The following FLRT2 variants were observed in gnomAD, a reference collection of about 807,000 sequenced individuals.
The protein encoded by FLRT2 is leucine-rich repeat transmembrane protein FLRT2.
In FLRT2, 15 loss-of-function variants were observed where a neutral mutation model predicts 40.0. The ratio of observed to expected loss-of-function variants is 0.38; its 90% CI spans 0.25 to 0.58. FLRT2 has a LOEUF of 0.58. Ranked by LOEUF, FLRT2 falls within the 20% of genes least tolerant of loss-of-function variation. The pLI, the probability that FLRT2 is intolerant of heterozygous loss-of-function variation, is 0.71. For synonymous variants in FLRT2, 380 were observed against 336.8 expected, an observed-to-expected ratio of 1.13 and a Z score of -1.41; for missense variants, 726 against 840.0, an observed-to-expected ratio of 0.86 and a Z score of 1.68.
chr14:85,535,919 TTTGTTGTTGTTG>T (rs1232664132), intron 1 of FLRT2, among the ~76,000 whole-genome samples: 10 of 81,648 alleles, frequency 1.2e-4, no homozygotes, highest in African/African-American at 4.8e-4. Context: ...TTTTTTTTTT[TTTGTTGTTGTTG>T]TTGTTGTTGT....
At chr14:85,595,809 A>G (rs1201605810) in intron 1 of FLRT2, among the ~76,000 whole-genome samples, 1 of 152,164 alleles carries the variant, frequency 6.6e-6, no homozygotes, top group Non-Finnish European at 1.5e-5. Context: ...CAAGTAACAG[A>G]CCCAGTGGGA....
chr14:85,583,123 A>T (rs945853148), intron 1 of FLRT2, among the ~76,000 whole-genome samples: 3 of 152,132 alleles, frequency 2.0e-5, no homozygotes, highest in Non-Finnish European at 2.9e-5. Flanking sequence ...AAAATCGTTG[A>T]AAGATAATCT....
rs527627161 is a variant in FLRT2, at chr14:85,629,539, A to G, written c.*6042A>G. 1.4e-4 allele frequency: 21 copies of G among 152,360 alleles called. No individual in the cohort carries two copies. Among genetic ancestry groups the G allele is most frequent in the African/African-American group, 5.0e-4 (21 of 41,594 alleles). The allele number at this position is 152,360 out of a possible 1,614,324, so 9.4% of individuals were successfully genotyped here. ...TATGTTTGCATTCTGTCTTTAAAAT[A>G]ACCCTGTAAGGTGCGTTATTTTAAT... On this transcript the variant is annotated 3_prime_UTR_variant, in exon 2 of 2. Transcript: ENST00000330753.
In FLRT2 at chr14:85,589,300, G is replaced by T. The variant is rs867851560; in HGVS notation, c.-376-31839G>T. Among the ~76,000 whole-genome samples, 22 of 152,126 alleles carry T rather than the reference G, an allele frequency of 1.4e-4. 1 individual carries two copies. In the South Asian group the frequency reaches 2.3e-3, roughly 16 times the overall value. ...TTATTGCCTCTCTTCTGCATATAAG[G>T]TATTTTTACTGGGGTGTGATGATAT... is the stretch of plus-strand genomic sequence containing the variant. On this transcript the variant is annotated intron_variant, in intron 1 of 1. Transcript: ENST00000330753.
chr14:85,622,716 C>T lies in FLRT2; in HGVS notation c.1202C>T (p.Thr401Ile), dbSNP rs769244407. ...PSRSYTPPTP[T>I]TSKLPTIPDW... ...AGAAGCTACACGCCTCCAACTCCTA[C>T]CACATCGAAACTTCCCACGATTCCT... Residue 401 changes from threonine (T) to isoleucine (I), a missense_variant, in exon 2 of 2, where the codon ACC (threonine) becomes ATC (isoleucine). By Grantham distance (89) the Thr-to-Ile change is moderately conservative (BLOSUM62 -1). Around this residue, in one of 3 missense-constraint regions of FLRT2, gnomAD observed 611 missense variants for 690.0 expected, o/e 0.89. Coordinates refer to ENST00000330753, the MANE Select transcript of FLRT2 (RefSeq NM_013231.6). The T allele has an allele frequency of 1.4e-5, 22 of 1,614,092 alleles. No homozygotes were observed. Among genetic ancestry groups the T allele is most frequent in the Non-Finnish European group, 1.9e-5 (22 of 1,180,012 alleles).
At chr14:85,578,732 T>G (rs1891246227) in intron 1 of FLRT2, among the ~76,000 whole-genome samples, 1 of 152,144 alleles carries the variant, frequency 6.6e-6, no homozygotes, top group African/African-American at 2.4e-5. Flanking sequence ...GGGGGCATTC[T>G]TTCACCAAAG....
intron 1 of FLRT2, among the ~76,000 whole-genome samples, chr14:85,596,378 A>T (rs560283893): frequency 6.6e-6 from 1 of 152,196 alleles, no homozygotes; most frequent in African/African-American, 2.4e-5. Flanking sequence ...TACACTTTTC[A>T]TGTCGCTCTG....
chr14:85,579,136 C>T (rs986502822), intron 1 of FLRT2, among the ~76,000 whole-genome samples: 3 of 152,156 alleles, frequency 2.0e-5, no homozygotes, highest in African/African-American at 4.8e-5. Flanking sequence ...TTTTGTTTCT[C>T]CTTCCCCCGG....
chr14:85,561,135 C>G (rs1159415821), intron 1 of FLRT2: 1 of 152,120 alleles, frequency 6.6e-6, no homozygotes, highest in African/African-American at 2.4e-5. Flanking sequence ...TTCTGTACAA[C>G]ATGTTTGTGT....
rs553637354 is a variant in FLRT2 at position 85,607,721 on chromosome 14, G to A, written c.-376-13418G>A. On this transcript the variant is annotated intron_variant, in intron 1 of 1. Transcript: ENST00000330753. ...TAATCACCTTGTGTTGTAATTAGTT[G>A]TGGCATGCTTGTCTTATGTATTATG... 2.6e-5 allele frequency among the ~76,000 whole-genome samples: 4 copies of A among 152,266 alleles called. No individual in the cohort carries two copies. The South Asian group carries it at 6.2e-4, about 24-fold the overall frequency.
rs1893953712 is a variant in FLRT2, at chr14:85,634,442, G to A, written c.*10945G>A. The A allele has an allele frequency of 1.3e-5, 2 of 152,296 alleles. No homozygotes were observed. Among genetic ancestry groups the A allele is most frequent in the Non-Finnish European group, 1.5e-5 (1 of 68,042 alleles). 9.4% of individuals were successfully genotyped at this position (152,296 alleles called of 1,614,324 possible). ...GCCCTCATTAGTTGGAATATAGCAT[G>A]CTTTACTAGTGTATCTGAAGTAAGG... On this transcript the variant is annotated 3_prime_UTR_variant, in exon 2 of 2. Transcript: ENST00000330753.
At chr14:85,613,539 T>C (rs2139356395) in intron 1 of FLRT2, among the ~76,000 whole-genome samples, 1 of 152,340 alleles carries the variant, frequency 6.6e-6, no homozygotes, top group South Asian at 2.1e-4. Context: ...AAATATTATC[T>C]CACTGATTCC....
intron 1 of FLRT2, among the ~76,000 whole-genome samples, chr14:85,584,234 C>A (rs1013888385): frequency 1.3e-5 from 2 of 152,154 alleles, no homozygotes; most frequent in Admixed American, 6.5e-5. Flanking sequence ...TTAATATTTG[C>A]ACAGGACTAG....
chr14:85,541,599 C>A (rs567788616), intron 1 of FLRT2, among the ~76,000 whole-genome samples: 1 of 152,150 alleles, frequency 6.6e-6, no homozygotes, highest in Non-Finnish European at 1.5e-5. Flanking sequence ...TGAGATAATT[C>A]TTTAAAATGT....
intron 1 of FLRT2, among the ~76,000 whole-genome samples, chr14:85,544,102 A>G (rs1889134881): frequency 6.6e-6 from 1 of 152,192 alleles, no homozygotes. Flanking sequence ...CTGCTTCCTC[A>G]GAAGTATTTT....
At chr14:85,568,214 G>A (rs982273401) in intron 1 of FLRT2, among the ~76,000 whole-genome samples, 4 of 151,706 alleles carry the variant, frequency 2.6e-5, no homozygotes, top group Admixed American at 6.6e-5. Flanking sequence ...GCTGATCTGC[G>A]GGGGGATGAT....
chr14:85,531,231 C>G (rs1434468695), intron 1 of FLRT2: 2 of 152,330 alleles, frequency 1.3e-5, no homozygotes, highest in Non-Finnish European at 2.9e-5. Flanking sequence ...GAGTGAGTTC[C>G]TTGAGCCGCT....
chr14:85,636,705 A>G lies in FLRT2; in HGVS notation c.*13208A>G, dbSNP rs1894012519. ...TTTTGGAGGCTGAGGTGGGTGAATT[A>G]TTTATTTGAGGTCAGGAGTTTGAGA... is the stretch of plus-strand genomic sequence containing the variant. On this transcript the variant is annotated 3_prime_UTR_variant, in exon 2 of 2. Coordinates refer to ENST00000330753, the MANE Select transcript of FLRT2 (RefSeq NM_013231.6). 1 of 151,860 alleles carries G rather than the reference A, an allele frequency of 6.6e-6. No homozygotes were observed. The highest frequency in any genetic ancestry group is 6.6e-5 in the Admixed American group (1 of 15,236). The allele number at this position is 151,860 out of a possible 1,614,324, so 9.4% of individuals were successfully genotyped here.
At position 85,604,598 on chromosome 14, in the gene FLRT2, GA is replaced by G. The variant is rs574054800; in HGVS notation, c.-376-16531del. ...AGAGTTGGAAAACTCCACCAAGAAA[GA>G]AAAAAAAAATCAGAAGCATTTAAAA... On this transcript the variant is annotated intron_variant, in intron 1 of 1. Transcript: ENST00000330753. 5.5e-3 allele frequency among the ~76,000 whole-genome samples: 808 copies of G among 147,380 alleles called. 2 individuals carry two copies. Among genetic ancestry groups the G allele is most frequent in the African/African-American group, 0.019 (768 of 40,350 alleles).
Sources: allele counts gnomAD v4.1 joint callset (sites outside exome capture counted in the v4.1 genomes callset), GRCh38; gene constraint gnomAD v4.1.1; regional missense constraint gnomAD v4.1.1; transcripts MANE v1.5; gene names NCBI Gene and HGNC (gene_info 2026-07-23, HGNC 2026-07-21).